The following ARID1B variants were observed in gnomAD, a reference collection of about 807,000 sequenced individuals.
ARID1B encodes the protein AT-rich interaction domain 1B, also known as AT-rich interactive domain-containing protein 1B.
A neutral mutation model predicts 212.3 loss-of-function variants in ARID1B; 30 were observed. The observed-to-expected ratio is 0.14, with a 90% CI of 0.11 to 0.19. The LOEUF is 0.19. ARID1B is among the 10% of genes least tolerant of loss of function. The pLI, the probability that ARID1B is intolerant of heterozygous loss-of-function variation, is 1.00. For synonymous variants in ARID1B, 1,402 were observed against 1,301.7 expected (o/e 1.08, Z -1.66); for missense variants, 2,891 against 3,204.0 (o/e 0.90, Z 2.36).
chr6:156,854,722 T>C (rs545763930), intron 2 of ARID1B, among the ~76,000 whole-genome samples: 2 of 152,378 alleles, frequency 1.3e-5, no homozygotes, highest in Admixed American at 1.3e-4. Flanking sequence ...GCTAACACTG[T>C]GCTATTTGCT....
intron 5 of ARID1B, among the ~76,000 whole-genome samples, chr6:157,095,603 A>G (rs1785563762): frequency 6.6e-6 from 1 of 152,232 alleles, no homozygotes; most frequent in South Asian, 2.1e-4. Flanking sequence ...CTCACAGGAA[A>G]GTTGAGGGAT....
intron 4 of ARID1B, among the ~76,000 whole-genome samples, chr6:156,956,006 C>T (rs1402923377): frequency 6.6e-6 from 1 of 152,158 alleles, no homozygotes; most frequent in Non-Finnish European, 1.5e-5. Context: ...TGCTTGACAG[C>T]CGTCCAGGAC....
intron 3 of ARID1B, among the ~76,000 whole-genome samples, chr6:156,918,718 CTGAT>C (rs1377103726): frequency 1.3e-5 from 2 of 152,120 alleles, no homozygotes; most frequent in African/African-American, 2.4e-5. Flanking sequence ...TTCCTAGACT[CTGAT>C]TGTTGACTTG....
At chr6:156,838,251 G>A (rs995134416) in intron 2 of ARID1B, among the ~76,000 whole-genome samples, 2 of 152,074 alleles carry the variant, frequency 1.3e-5, no homozygotes, top group Non-Finnish European at 2.9e-5. Context: ...CAGAAACAAA[G>A]TCAGACTAAT....
intron 15 of ARID1B, chr6:157,195,554 C>T (rs867943919): frequency 6.6e-6 from 1 of 152,286 alleles, no homozygotes; most frequent in African/African-American, 2.4e-5. Context: ...TCTGTTAAGC[C>T]CCTTTTGCCA....
At chr6:156,872,457 G>T (rs1369699710) in intron 2 of ARID1B, among the ~76,000 whole-genome samples, 1 of 152,150 alleles carries the variant, frequency 6.6e-6, no homozygotes, top group Non-Finnish European at 1.5e-5. Flanking sequence ...GAGTAGCTAG[G>T]ATTACAGGCG....
intron 4 of ARID1B, among the ~76,000 whole-genome samples, chr6:157,040,149 A>C (rs912773853): frequency 2.6e-5 from 4 of 152,180 alleles, no homozygotes; most frequent in Admixed American, 2.6e-4. Flanking sequence ...CATGTTGGCC[A>C]GGATGGTCTC....
upstream of ARID1B, chr6:156,776,278 T>C (rs1183342037): frequency 6.6e-6 from 1 of 152,164 alleles, no homozygotes; most frequent in African/African-American, 2.4e-5. Context: ...TTAATAACAA[T>C]GCAAATATTA....
chr6:157,157,572 G>A (rs903836132), intron 8 of ARID1B, among the ~76,000 whole-genome samples: 1 of 152,204 alleles, frequency 6.6e-6, no homozygotes, highest in Admixed American at 6.5e-5. Context: ...CTATGTCTTA[G>A]TATATTGCAG....
chr6:156,805,796 C>T (rs1781115120), intron 1 of ARID1B, among the ~76,000 whole-genome samples: 2 of 152,202 alleles, frequency 1.3e-5, no homozygotes, highest in South Asian at 4.2e-4. Flanking sequence ...CCATCTCAGC[C>T]TCCTAAGTAG....
chr6:157,069,507 G>A (rs866161513), intron 4 of ARID1B, among the ~76,000 whole-genome samples: 2 of 152,320 alleles, frequency 1.3e-5, no homozygotes, highest in Middle Eastern at 3.4e-3. Flanking sequence ...CTTCAGAAAT[G>A]TTCTCTGGCA....
chr6:157,125,253 T>G (rs1788058390), intron 6 of ARID1B, among the ~76,000 whole-genome samples: 1 of 152,164 alleles, frequency 6.6e-6, no homozygotes, highest in Non-Finnish European at 1.5e-5. Flanking sequence ...GATTTTCTTC[T>G]TAGAGGAGGA....
Position 157,201,147 on chromosome 6 carries a change from A to G in ARID1B, c.4922A>G (p.Gln1641Arg). The G allele has an allele frequency of 6.2e-7, 1 of 1,614,176 alleles. No homozygotes were observed. The highest frequency in any genetic ancestry group is 8.5e-7 in the Non-Finnish European group (1 of 1,180,022). Residue 1641 changes from glutamine (Q) to arginine (R), a missense_variant, in exon 18 of 20, where the codon CAG becomes CGG. Transcript: ENST00000636930. The surrounding 1 kb of genome is among the most constrained non-coding windows in gnomAD (Gnocchi z 5.2). ...HESQWPSHVSQRQPYMSSSAS... is the reference protein window; with the variant it reads ...HESQWPSHVSRRQPYMSSSAS... Reference sequence around the variant, plus strand: ...AGCCAGTGGCCTTCTCACGTCAGCCAGCGTCAGCCTTATATGTCGTCCTCA... The same window carrying G: ...AGCCAGTGGCCTTCTCACGTCAGCCGGCGTCAGCCTTATATGTCGTCCTCA...
chr6:156,797,068 C>A (rs567670922), intron 1 of ARID1B, among the ~76,000 whole-genome samples: 12 of 152,210 alleles, frequency 7.9e-5, no homozygotes, highest in Non-Finnish European at 1.5e-4. Context: ...TGCCAGATAC[C>A]ATGCCCCTTT....
intron 3 of ARID1B, among the ~76,000 whole-genome samples, chr6:156,908,554 A>G (rs1297405738): frequency 2.0e-5 from 3 of 151,668 alleles, no homozygotes; most frequent in Non-Finnish European, 4.4e-5. Flanking sequence ...ATTGATGTTT[A>G]TTTTGCTGTT....
chr6:156,985,215 T>G (rs1195927105), intron 4 of ARID1B: 2 of 152,246 alleles, frequency 1.3e-5, no homozygotes, highest in Non-Finnish European at 2.9e-5. Flanking sequence ...GAATATAATG[T>G]TGTGATTCTG....
intron 5 of ARID1B, among the ~76,000 whole-genome samples, chr6:157,104,503 G>A (rs1016578884): frequency 2.6e-5 from 4 of 152,146 alleles, no homozygotes; most frequent in Admixed American, 1.3e-4. Flanking sequence ...GGAAAACCCC[G>A]GAGAATCAAT....
chr6:156,831,476 A>G (rs886662249), intron 2 of ARID1B, among the ~76,000 whole-genome samples: 1 of 152,246 alleles, frequency 6.6e-6, no homozygotes, highest in Non-Finnish European at 1.5e-5. Context: ...TGAAGGAGTT[A>G]AGTCTCACTA....
chr6:157,030,679 A>G (rs1053822207), intron 4 of ARID1B, among the ~76,000 whole-genome samples: 10 of 152,238 alleles, frequency 6.6e-5, no homozygotes, highest in Non-Finnish European at 1.2e-4. Context: ...CCAGCATCCT[A>G]GTGGAGGAGA....
Sources: allele counts gnomAD v4.1 joint callset (sites outside exome capture counted in the v4.1 genomes callset), GRCh38; gene constraint gnomAD v4.1.1; non-coding constraint Gnocchi (gnomAD v3.1); transcripts MANE v1.5; gene names NCBI Gene and HGNC (gene_info 2026-07-23, HGNC 2026-07-21).